Variants in UGGT2 observed in about 807,000 individuals in gnomAD.
UGGT2 encodes UDP-glucose glycoprotein glucosyltransferase 2, also known as UDP-glucose:glycoprotein glucosyltransferase 2.
In UGGT2, 180 loss-of-function variants were observed where a neutral mutation model predicts 192.1. The observed-to-expected ratio is 0.94, with a 90% confidence interval of 0.83 to 1.06. UGGT2 has a LOEUF of 1.06. Among genes scored for constraint, UGGT2 ranks in the 50% least tolerant of loss-of-function variants. The probability of loss-of-function intolerance (pLI) is 0.00; values close to 1 mark genes in which losing one functional copy is unlikely to be tolerated. For synonymous variants in UGGT2, 580 were observed against 591.0 expected, an observed-to-expected ratio of 0.98 and a Z score of 0.27; for missense variants, 1,849 against 1,795.7, an observed-to-expected ratio of 1.03 and a Z score of -0.54.
At chr13:95,813,034 A>C (rs542518684) in intron 38 of UGGT2, among the ~76,000 whole-genome samples, 2 of 116,110 alleles carry the variant, frequency 1.7e-5, no homozygotes, top group East Asian at 8.9e-4. Context: ...ACCATGAACC[A>C]TAAATCTCTT....
chr13:95,846,236 G>A (rs1309473030), intron 36 of UGGT2, among the ~76,000 whole-genome samples: 1 of 152,180 alleles, frequency 6.6e-6, no homozygotes, highest in Non-Finnish European at 1.5e-5. Context: ...CAGCCTGGCC[G>A]ACACGGCGAA....
intron 17 of UGGT2, among the ~76,000 whole-genome samples, chr13:95,928,071 A>G (rs2049089722): frequency 1.3e-5 from 2 of 152,212 alleles, no homozygotes; most frequent in African/African-American, 2.4e-5. Flanking sequence ...TTCTTTCTAC[A>G]CAGACACAGT....
Position 95,927,712 on chromosome 13 carries a change from G to A in UGGT2, c.1978-376C>T, listed in dbSNP as rs143009677. On this transcript the variant is annotated intron_variant, in intron 17 of 38. Transcript: ENST00000376747. ...TGATCATTCTTGGGTGTTTCTCGGA[G>A]AGGGGGATTTGGCGGGGTCACAGGA... Among the ~76,000 whole-genome samples the A allele has an allele frequency of 2.1e-3, 326 of 152,146 alleles. 1 individual carries two copies. The highest frequency in any genetic ancestry group is 3.9e-3 in the Non-Finnish European group (265 of 68,002).
intron 36 of UGGT2, among the ~76,000 whole-genome samples, chr13:95,849,818 GACTA>G (rs150966194): frequency 0.017 from 2,573 of 150,116 alleles, 62 homozygotes; most frequent in African/African-American, 0.058. Context: ...TAGTAAAAAT[GACTA>G]ACTTTTATAT....
chr13:95,940,239 CAT>C, intron 15 of UGGT2, 148 bp from the exon 16 acceptor site: 2 of 487,170 alleles, frequency 4.1e-6, no homozygotes, highest in Non-Finnish European at 6.6e-6. Flanking sequence ...TAATTTTAAC[CAT>C]ATATCATCTT....
intron 8 of UGGT2, 74 bp from the exon 9 acceptor site, chr13:95,986,506 A>C (rs2051293955): frequency 1.9e-6 from 2 of 1,080,936 alleles, no homozygotes; most frequent in Admixed American, 2.4e-5. Context: ...AAATTGAAAT[A>C]CTTGACTCAA....
intron 26 of UGGT2, among the ~76,000 whole-genome samples, chr13:95,884,918 T>C (rs923902806): frequency 1.3e-5 from 2 of 152,200 alleles, no homozygotes; most frequent in Admixed American, 1.3e-4. Flanking sequence ...TTAATGAACA[T>C]GATTAGAATC....
intron 4 of UGGT2, among the ~76,000 whole-genome samples, chr13:96,019,612 G>C (rs944690272): frequency 6.6e-6 from 1 of 152,186 alleles, no homozygotes; most frequent in African/African-American, 2.4e-5. Flanking sequence ...ATCTAAAGGA[G>C]TAAACCAGAC....
At chr13:95,975,524 A>G (rs1052906692) in intron 10 of UGGT2, among the ~76,000 whole-genome samples, 1 of 152,182 alleles carries the variant, frequency 6.6e-6, no homozygotes, top group Non-Finnish European at 1.5e-5. Flanking sequence ...AGATTTTTGT[A>G]TTTAAAGTGC....
chr13:95,854,863 T>C (rs1169139475), intron 34 of UGGT2, among the ~76,000 whole-genome samples: 3 of 152,026 alleles, frequency 2.0e-5, no homozygotes, highest in Non-Finnish European at 4.4e-5. Flanking sequence ...TTATTGTATA[T>C]TGGCAAATGT....
intron 1 of UGGT2, among the ~76,000 whole-genome samples, chr13:96,040,224 T>TGGAGGC (rs2053125530): frequency 6.6e-6 from 1 of 152,220 alleles, no homozygotes; most frequent in African/African-American, 2.4e-5. Flanking sequence ...AAACTTATTC[T>TGGAGGC]CTCACAATTC....
intron 5 of UGGT2, among the ~76,000 whole-genome samples, chr13:96,004,671 T>TCC (rs1380843239): frequency 5.8e-5 from 6 of 102,700 alleles, no homozygotes; most frequent in African/African-American, 2.3e-4. Context: ...CCCAATGCTA[T>TCC]CCCTCCCCCC....
intron 9 of UGGT2, among the ~76,000 whole-genome samples, chr13:95,984,148 C>T (rs1187067728): frequency 1.3e-5 from 2 of 152,060 alleles, no homozygotes; most frequent in East Asian, 1.9e-4. Flanking sequence ...ATTGAAAAAG[C>T]TGTTTTGCGT....
rs950925928 is a variant in UGGT2, at chr13:96,033,857, C to T, written c.159-1886G>A. On this transcript the variant is annotated intron_variant, in intron 1 of 38. Transcript: ENST00000376747. ...CACAGGCCTGAAAGGTGCCCCATGA[C>T]GCGAACTGCCTGGGTGCCATGGACA... Among the ~76,000 whole-genome samples, 62 of 152,150 alleles carry T rather than the reference C, an allele frequency of 4.1e-4. 1 individual carries two copies. Among genetic ancestry groups the T allele is most frequent in the Non-Finnish European group, 1.0e-4 (7 of 68,022 alleles).
At chr13:95,909,782 A>AATAATAATAATAATAAT (rs369897411) in intron 20 of UGGT2, among the ~76,000 whole-genome samples, 2 of 115,168 alleles carry the variant, frequency 1.7e-5, no homozygotes, top group Non-Finnish European at 3.5e-5. Flanking sequence ...ATAATAATAA[A>AATAATAATAATAATAAT]AAAGATTCCT....
chr13:95,847,958 C>G (rs1239941468), intron 36 of UGGT2, among the ~76,000 whole-genome samples: 1 of 152,228 alleles, frequency 6.6e-6, no homozygotes, highest in East Asian at 1.9e-4. Context: ...CACATCTTCA[C>G]TAGCCTTTGG....
rs2052227437 is a variant in UGGT2, at chr13:96,013,404, G to A, written c.563C>T (p.Ala188Val). ...ACTAAATGTTCTAGTACCCATTTCG[G>A]CATAGAGAATCACCACTGGTAAGTT... ...KENLPVVILY[A>V]EMGTRTFSAF... The change falls in exon 5 of 39, where the codon GCC (alanine) becomes GTC (valine). Residue 188 changes from alanine (A) to valine (V), a missense_variant. Physicochemically the swap from Ala to Val is moderately conservative, Grantham distance 64. Coordinates refer to ENST00000376747, the MANE Select transcript of UGGT2 (RefSeq NM_020121.4). 1.9e-6 allele frequency: 3 copies of A among 1,607,148 alleles called. No individual in the cohort carries two copies. The highest frequency in any genetic ancestry group is 1.1e-5 in the South Asian group (1 of 89,158).
intron 20 of UGGT2, among the ~76,000 whole-genome samples, chr13:95,915,201 A>G (rs1280824431): frequency 1.3e-5 from 2 of 152,244 alleles, no homozygotes; most frequent in Admixed American, 6.5e-5. Flanking sequence ...AATTCCCTCA[A>G]TTCCTTCAGG....
intron 10 of UGGT2, among the ~76,000 whole-genome samples, chr13:95,983,107 A>G (rs1358768511): frequency 1.3e-5 from 2 of 152,314 alleles, no homozygotes; most frequent in East Asian, 3.9e-4. Context: ...AGGTGGCCAC[A>G]TGGCAAAATC....
Sources: gnomAD v4.1 joint callset for allele counts (sites outside exome capture counted in the v4.1 genomes callset) on GRCh38, gnomAD v4.1.1 for gene constraint, MANE v1.5 for transcripts, NCBI Gene and HGNC (gene_info 2026-07-23, HGNC 2026-07-21) for gene names.